The following ADAMTS9 variants were observed in gnomAD, a reference collection of about 807,000 sequenced individuals.
The protein encoded by ADAMTS9 is ADAM metallopeptidase with thrombospondin type 1 motif 9.
ADAMTS9 carries 107 observed loss-of-function variants against 257.1 expected under a neutral mutation model. The observed-to-expected ratio is 0.42, with a 90% CI of 0.36 to 0.49. The LOEUF (loss-of-function observed/expected upper bound fraction) is 0.49, where lower values mean the gene tolerates loss of function less well. ADAMTS9 is among the 20% of genes least tolerant of loss of function. The pLI is 0.03. For synonymous variants in ADAMTS9, 982 were observed against 880.9 expected (o/e 1.11, Z -2.03); for missense variants, 2,353 against 2,469.1 (o/e 0.95, Z 1.00).
chr3:64,517,550 C>T (rs77790639), intron 39 of ADAMTS9, among the ~76,000 whole-genome samples: 6,338 of 147,964 alleles, frequency 0.043, 181 homozygotes, highest in Non-Finnish European at 0.065. Flanking sequence ...TGAACCACCA[C>T]GCTGGCCCTA....
At chr3:64,537,372 T>C (rs1175328311) in intron 37 of ADAMTS9, among the ~76,000 whole-genome samples, 1 of 152,214 alleles carries the variant, frequency 6.6e-6, no homozygotes, top group African/African-American at 2.4e-5. Context: ...GCCAATCTGT[T>C]AGCCACTAAA....
At chr3:64,549,303 T>C (rs1440762952) in intron 31 of ADAMTS9, among the ~76,000 whole-genome samples, 2 of 152,166 alleles carry the variant, frequency 1.3e-5, no homozygotes, top group South Asian at 2.1e-4. Context: ...TTGGGGGTTA[T>C]GGTTATATTA....
In ADAMTS9 at chr3:64,533,262, A is replaced by G; in HGVS notation, c.5622T>C (p.Phe1874=). The G allele has an allele frequency of 1.9e-6, 3 of 1,613,926 alleles. No individual in the cohort carries two copies. The highest frequency in any genetic ancestry group is 2.5e-6 in the Non-Finnish European group (3 of 1,179,820). ...YSAAKCPQGR[F]SINLYGTGLS... ...AGCCGGTTCCATAAAGGTTGATGCTAAAACGACCCTGGAAAACACGACCAA... is the reference window on the plus strand; with the variant it reads ...AGCCGGTTCCATAAAGGTTGATGCTGAAACGACCCTGGAAAACACGACCAA... Residue 1874 remains phenylalanine (F), a synonymous_variant, in exon 38 of 40, where the codon TTT becomes TTC. Coordinates refer to ENST00000498707, the MANE Select transcript of ADAMTS9 (RefSeq NM_182920.2).
At chr3:64,624,740 TG>T (rs138219753) in intron 16 of ADAMTS9, among the ~76,000 whole-genome samples, 330 of 152,350 alleles carry the variant, frequency 2.2e-3, no homozygotes, top group African/African-American at 7.6e-3. Context: ...TTCAAAACCT[TG>T]GCATGATTAA....
chr3:64,537,689 C>A (rs2083068524), intron 37 of ADAMTS9, among the ~76,000 whole-genome samples: 1 of 152,160 alleles, frequency 6.6e-6, no homozygotes, highest in Non-Finnish European at 1.5e-5. Flanking sequence ...CTGAACGCGT[C>A]ACAGAATCCC....
chr3:64,546,235 T>C (rs1433992598), intron 32 of ADAMTS9, among the ~76,000 whole-genome samples: 1 of 152,154 alleles, frequency 6.6e-6, no homozygotes, highest in Non-Finnish European at 1.5e-5. Flanking sequence ...GTATTTTGCA[T>C]TTAAGATTTT....
chr3:64,525,573 C>A (rs952943493), intron 38 of ADAMTS9, among the ~76,000 whole-genome samples: 1 of 152,008 alleles, frequency 6.6e-6, no homozygotes, highest in Non-Finnish European at 1.5e-5. Context: ...AAGATGAATA[C>A]AAAAATATAA....
chr3:64,539,475 G>C (rs896322393), intron 36 of ADAMTS9, among the ~76,000 whole-genome samples, 181 bp from the exon 37 acceptor site: 3 of 152,148 alleles, frequency 2.0e-5, no homozygotes, highest in Non-Finnish European at 4.4e-5. Flanking sequence ...GCTTTTTCCT[G>C]ATTATATTTG....
chr3:64,620,173 C>T (rs369540047), intron 19 of ADAMTS9, among the ~76,000 whole-genome samples: 9 of 152,202 alleles, frequency 5.9e-5, no homozygotes, highest in Admixed American at 1.3e-4. Context: ...ATATGACACT[C>T]GTACCATAAC....
At chr3:64,637,434 T>C (rs1201175088) in intron 12 of ADAMTS9, among the ~76,000 whole-genome samples, 1 of 152,238 alleles carries the variant, frequency 6.6e-6, no homozygotes, top group African/African-American at 2.4e-5. Flanking sequence ...ATTACTATTC[T>C]GCACAGCCAA....
intron 22 of ADAMTS9, among the ~76,000 whole-genome samples, chr3:64,612,540 C>T (rs2084685276): frequency 6.6e-6 from 1 of 152,110 alleles, no homozygotes; most frequent in South Asian, 2.1e-4. Context: ...TTGTTGCATG[C>T]ATATTTGGAA....
Position 64,658,597 on chromosome 3 carries a change from G to T in ADAMTS9, c.874C>A (p.Pro292Thr). The change falls in exon 4 of 40, where the codon CCA becomes ACA. Residue 292 changes from proline (P) to threonine (T), a missense_variant. Physicochemically the swap from Pro to Thr is conservative, Grantham distance 38. Coordinates refer to ENST00000498707, the MANE Select transcript of ADAMTS9 (RefSeq NM_182920.2). The part of the protein sequence containing the change: ...HRRTKRFLSY[P>T]RFVEVLVVAD... ...ACCACCAAGACTTCTACAAACCGTGGATAGGATAAAAAACGTTTTGTCCTT... is the reference window on the plus strand; with the variant it reads ...ACCACCAAGACTTCTACAAACCGTGTATAGGATAAAAAACGTTTTGTCCTT... 1 of 1,614,024 alleles carries T rather than the reference G, an allele frequency of 6.2e-7. No individual in the cohort carries two copies. Among genetic ancestry groups the T allele is most frequent in the Non-Finnish European group, 8.5e-7 (1 of 1,180,008 alleles).
At chr3:64,522,087 T>TTTG in intron 39 of ADAMTS9, 79 bp downstream of exon 39, 1 of 1,235,808 alleles carries the variant, frequency 8.1e-7, no homozygotes, top group South Asian at 1.3e-5. Context: ...CCCTGCCTGA[T>TTTG]CCTCCCACAT....
intron 39 of ADAMTS9, chr3:64,521,519 T>C (rs1222476501): frequency 2.6e-5 from 4 of 152,224 alleles, no homozygotes; most frequent in African/African-American, 9.6e-5. Context: ...CTATTCACAA[T>C]AGCAAACGTG....
intron 28 of ADAMTS9, among the ~76,000 whole-genome samples, chr3:64,571,923 T>C (rs2083694941): frequency 1.3e-5 from 2 of 152,322 alleles, no homozygotes; most frequent in African/African-American, 2.4e-5. Context: ...AGGCACTGAC[T>C]TTTACATCAC....
chr3:64,642,890 G>C (rs539852206), intron 11 of ADAMTS9, among the ~76,000 whole-genome samples: 1 of 152,280 alleles, frequency 6.6e-6, no homozygotes, highest in South Asian at 2.1e-4. Flanking sequence ...GAAGGCCAGG[G>C]GGTGGGGCAG....
At chr3:64,683,801 C>T (rs865953396) in intron 2 of ADAMTS9, among the ~76,000 whole-genome samples, 2 of 152,034 alleles carry the variant, frequency 1.3e-5, no homozygotes, top group Admixed American at 6.6e-5. Context: ...TGAGTTGATG[C>T]TGACCCTGTT....
Position 64,648,050 on chromosome 3 carries a change from C to G in ADAMTS9, c.1606-6G>C. On this transcript the variant is annotated splice_region_variant and splice_polypyrimidine_tract_variant and intron_variant, in intron 10 of 39. Coordinates refer to ENST00000498707, the MANE Select transcript of ADAMTS9 (RefSeq NM_182920.2). ...CAGAGCCGTCTGCACTGCATCTGCT[C>G]AATTCAATGAAATGGCAATTGAGTG... The G allele has an allele frequency of 6.2e-7, 1 of 1,605,234 alleles. No individual in the cohort carries two copies. Among genetic ancestry groups the G allele is most frequent in the Non-Finnish European group, 8.5e-7 (1 of 1,177,662 alleles).
At chr3:64,660,407 G>GT (rs1243862938) in intron 3 of ADAMTS9, among the ~76,000 whole-genome samples, 1 of 152,134 alleles carries the variant, frequency 6.6e-6, no homozygotes, top group Non-Finnish European at 1.5e-5. Flanking sequence ...AAATACAGTG[G>GT]TCCCCCCTTT....
Sources: gnomAD v4.1 joint callset for allele counts (sites outside exome capture counted in the v4.1 genomes callset) on GRCh38, gnomAD v4.1.1 for gene constraint, MANE v1.5 for transcripts, NCBI Gene and HGNC (gene_info 2026-07-23, HGNC 2026-07-21) for gene names.